MED15: variants seen among roughly 807,000 people sequenced by gnomAD.
MED15 encodes mediator of RNA polymerase II transcription subunit 15.
MED15 carries 41 observed loss-of-function variants against 118.7 expected under a neutral mutation model. That is an observed-to-expected ratio of 0.35 (90% CI 0.27 to 0.45). The LOEUF is 0.45. Among genes scored for constraint, MED15 ranks in the 20% least tolerant of loss-of-function variants. MED15 has a pLI of 1.00. For missense variants in MED15, 740 were observed against 1,025.5 expected, an observed-to-expected ratio of 0.72 and a Z score of 3.80; for synonymous variants, 436 against 413.9, an observed-to-expected ratio of 1.05 and a Z score of -0.65.
intron 13 of MED15, 161 bp downstream of exon 13, chr22:20,583,554 C>T: frequency 1.3e-6 from 1 of 794,300 alleles, no homozygotes; most frequent in Non-Finnish European, 2.0e-6. Context: ...GCTGGGGCTT[C>T]AAGCCCAGGC....
chr22:20,566,526 A>AGCAGCAGCAG lies in MED15; in HGVS notation c.750_751insGCAGCAGCAG (p.Gln251AlafsTer232). 1 of 1,601,430 alleles carries AGCAGCAGCAG rather than the reference A, an allele frequency of 6.2e-7. No individual in the cohort carries two copies. Among genetic ancestry groups the AGCAGCAGCAG allele is most frequent in the Non-Finnish European group, 8.5e-7 (1 of 1,172,054 alleles). ...CACAGCTGCAGCTCCAACAACAGCA[A>AGCAGCAGCAG]CAGCAGCAGCAGCAGCAGCAGCAGC... On this transcript the variant is annotated frameshift_variant, in exon 7 of 18. Transcript: ENST00000263205. LOFTEE classifies it high-confidence loss of function.
chr22:20,559,232 G>A (rs532610483), intron 5 of MED15, among the ~76,000 whole-genome samples: 2 of 152,196 alleles, frequency 1.3e-5, no homozygotes, highest in African/African-American at 4.8e-5. Flanking sequence ...CAATGAAGCA[G>A]ATTTGAAACG....
intron 1 of MED15, among the ~76,000 whole-genome samples, chr22:20,536,445 T>G (rs942630504): frequency 4.6e-5 from 7 of 152,206 alleles, no homozygotes; most frequent in Non-Finnish European, 8.8e-5. Flanking sequence ...GGAGCAGCAG[T>G]GTGATGAAAA....
At chr22:20,581,236 C>A (rs530447805) in intron 9 of MED15, among the ~76,000 whole-genome samples, 2 of 152,236 alleles carry the variant, frequency 1.3e-5, no homozygotes, top group African/African-American at 4.8e-5. Flanking sequence ...GCATTTCGCT[C>A]CAGGAGCTTG....
intron 1 of MED15, among the ~76,000 whole-genome samples, chr22:20,525,717 G>A (rs528665387): frequency 1.3e-5 from 2 of 150,966 alleles, no homozygotes; most frequent in Non-Finnish European, 3.0e-5. Flanking sequence ...TGTATTTTTA[G>A]TAGAGACGGG....
intron 1 of MED15, among the ~76,000 whole-genome samples, chr22:20,528,716 A>G (rs2054746505): frequency 6.6e-6 from 1 of 152,176 alleles, no homozygotes; most frequent in African/African-American, 2.4e-5. Context: ...CTGATGGGCC[A>G]GTGGGTCTCG....
intron 1 of MED15, among the ~76,000 whole-genome samples, chr22:20,516,043 G>A (rs1015385599): frequency 1.1e-4 from 16 of 151,846 alleles, no homozygotes; most frequent in Non-Finnish European, 1.8e-4. Context: ...TAGGTTGGGC[G>A]CGGTGGCTCA....
intron 8 of MED15, 31 bp downstream of exon 8, chr22:20,568,662 T>G: frequency 6.2e-7 from 1 of 1,605,776 alleles, no homozygotes; most frequent in Non-Finnish European, 8.5e-7. Context: ...GGCTCCATAG[T>G]CATCAGCAGG....
chr22:20,551,438 C>T lies in MED15; in HGVS notation c.159C>T (p.Asp53=), dbSNP rs752183797. 22 of 1,613,842 alleles carry T rather than the reference C, an allele frequency of 1.4e-5. No homozygotes were observed. Among genetic ancestry groups the T allele is most frequent in the Admixed American group, 5.0e-5 (3 of 60,012 alleles). The change falls in exon 3 of 18, where the codon GAC becomes GAT. Residue 53 remains aspartate (D), a splice_region_variant and synonymous_variant. Transcript: ENST00000263205. ...CTGCTTCCTGTTTTTACTTTTAGGA[C>T]GAATACCTTTCTCTCGTGGCCAGGC... ...SHVFLKAKTR[D]EYLSLVARLI...
chr22:20,585,434 G>A lies in MED15; in HGVS notation c.2131+167G>A, dbSNP rs1158574900. 37 of 948,870 alleles carry A rather than the reference G, an allele frequency of 3.9e-5. 1 individual carries two copies. The South Asian group carries it at 4.9e-4, about 13-fold the overall frequency. The allele number at this position is 948,870 out of a possible 1,614,324, so 58.8% of individuals were successfully genotyped here. A position where few individuals can be genotyped will look rare whatever the true frequency, so the allele number is the denominator to read the frequency against. On this transcript the variant is annotated intron_variant, in intron 16 of 17. Transcript: ENST00000263205. ...CACACACCGGGCTCCAGACAGCCTGGCCATGCCTCAGTCCCCACTGCCAGA... is the reference window on the plus strand; with the variant it reads ...CACACACCGGGCTCCAGACAGCCTGACCATGCCTCAGTCCCCACTGCCAGA...
chr22:20,564,613 GCAGCAGCAGCAGCTC>G lies in MED15; in HGVS notation c.629_643del (p.Leu210_Gln214del), dbSNP rs771825045. On this transcript the variant is annotated inframe_deletion, in exon 6 of 18. Coordinates refer to ENST00000263205, the MANE Select transcript of MED15 (RefSeq NM_001003891.3). ...AGCAGCAGTTCCAAGCAGTAGTGCA[GCAGCAGCAGCAGCTC>G]CAGCAGCAGCAGCAGCAGCAGCAGC... 117 of 1,610,668 alleles carry G rather than the reference GCAGCAGCAGCAGCTC, an allele frequency of 7.3e-5. No individual in the cohort carries two copies. In the South Asian group the frequency reaches 1.1e-3, roughly 16 times the overall value.
At chr22:20,539,549 T>C (rs755954393) in intron 2 of MED15, among the ~76,000 whole-genome samples, 4 of 152,246 alleles carry the variant, frequency 2.6e-5, no homozygotes, top group African/African-American at 4.8e-5. Flanking sequence ...ATAGTTAATG[T>C]ATAAATTTTT....
At chr22:20,526,095 AT>A (rs983303324) in intron 1 of MED15, among the ~76,000 whole-genome samples, 45 of 151,800 alleles carry the variant, frequency 3.0e-4, no homozygotes, top group Middle Eastern at 6.8e-3. Flanking sequence ...AAGTTTTTGT[AT>A]TTTTTGTAGA....
chr22:20,514,813 C>T (rs1402944796), intron 1 of MED15, among the ~76,000 whole-genome samples: 2 of 152,328 alleles, frequency 1.3e-5, no homozygotes, highest in African/African-American at 4.8e-5. Flanking sequence ...GGGTCATGGT[C>T]GTGCCATAGG....
intron 2 of MED15, among the ~76,000 whole-genome samples, chr22:20,538,804 A>T (rs890605439): frequency 1.3e-5 from 2 of 151,888 alleles, no homozygotes; most frequent in Non-Finnish European, 2.9e-5. Context: ...GGTTCAAGCG[A>T]TTCTTCCGCC....
chr22:20,570,738 C>CTTTTTTTTT (rs2056622196), intron 8 of MED15, among the ~76,000 whole-genome samples: 2 of 90,982 alleles, frequency 2.2e-5, no homozygotes, highest in Non-Finnish European at 4.2e-5. Flanking sequence ...TTCTTTCTTT[C>CTTTTTTTTT]TTTCTTTCTT....
Position 20,586,883 on chromosome 22 carries a change from C to A in MED15, c.*179C>A. 1 of 974,082 alleles carries A rather than the reference C, an allele frequency of 1.0e-6. No individual in the cohort carries two copies. The highest frequency in any genetic ancestry group is 1.5e-6 in the Non-Finnish European group (1 of 684,482). 60.3% of individuals were successfully genotyped at this position (974,082 alleles called of 1,614,324 possible). A position where few individuals can be genotyped will look rare whatever the true frequency, so the allele number is the denominator to read the frequency against. The stretch of plus-strand genomic sequence containing the variant: ...CACACCTGTACAGAACTGGGATAGG[C>A]GCAGTGGAGCGGGTTGCTTGGGGGG... On this transcript the variant is annotated 3_prime_UTR_variant, in exon 18 of 18. Transcript: ENST00000263205.
At chr22:20,581,127 C>T (rs573934693) in intron 9 of MED15, among the ~76,000 whole-genome samples, 10 of 152,316 alleles carry the variant, frequency 6.6e-5, no homozygotes, top group African/African-American at 2.2e-4. Context: ...AGCCCCCCAC[C>T]CCCTGGTCTC....
At chr22:20,556,277 T>G (rs1227075613) in intron 5 of MED15, among the ~76,000 whole-genome samples, 1 of 151,614 alleles carries the variant, frequency 6.6e-6, no homozygotes, top group Non-Finnish European at 1.5e-5. Flanking sequence ...TCACCTCAGT[T>G]AGAGACTTAG....
Sources: allele counts gnomAD v4.1 joint callset (sites outside exome capture counted in the v4.1 genomes callset), GRCh38; gene constraint gnomAD v4.1.1; transcripts MANE v1.5; gene names NCBI Gene and HGNC (gene_info 2026-07-23, HGNC 2026-07-21).